Variants in RADIL observed in about 807,000 individuals in gnomAD.
RADIL encodes Rap associating with DIL domain.
Under a neutral mutation model 97.6 loss-of-function variants are expected in RADIL, and 99 were observed. The ratio of observed to expected loss-of-function variants is 1.01; its 90% confidence interval spans 0.86 to 1.20. RADIL has a LOEUF of 1.20. RADIL is among the 50% of genes most tolerant of loss of function. RADIL has a pLI of 0.00. For synonymous variants in RADIL, 803 were observed against 691.8 expected (o/e 1.16, Z -2.52); for missense variants, 1,765 against 1,498.9 (o/e 1.18, Z -2.93).
intron 2 of RADIL, chr7:4,861,431 C>T (rs1423675104): frequency 1.9e-6 from 3 of 1,614,158 alleles, no homozygotes; most frequent in Admixed American, 1.7e-5. Context: ...AAAGTCGCTT[C>T]GATCCACATG....
At chr7:4,850,325 A>G (rs1250309817) in intron 2 of RADIL, among the ~76,000 whole-genome samples, 1 of 151,950 alleles carries the variant, frequency 6.6e-6, no homozygotes, top group Non-Finnish European at 1.5e-5. Context: ...AAAGCATGGA[A>G]GGTCACTATG....
chr7:4,849,384 A>G lies in RADIL; in HGVS notation c.536-12779T>C, dbSNP rs1300694284. 6.6e-6 allele frequency among the ~76,000 whole-genome samples: 1 copy of G among 152,218 alleles called. No individual in the cohort carries two copies. The highest frequency in any genetic ancestry group is 1.9e-4 in the East Asian group (1 of 5,200). ...ACTGCAAGAATGAATTAATGAATGA[A>G]TGAACGTTGATGGGATCAATTCCAT... On this transcript the variant is annotated intron_variant, in intron 2 of 14. Coordinates refer to ENST00000399583, the MANE Select transcript of RADIL (RefSeq NM_018059.5). This position sits in a 1 kb window ranked among gnomAD's most constrained non-coding sequence, Gnocchi z 5.4.
Position 4,802,003 on chromosome 7 carries a change from G to A in RADIL, c.2500-8C>T, listed in dbSNP as rs1782103136. ...GACCACGTGGTGCATACCCTAGGGA[G>A]AGGAAGGGTGACAGCTCAGGTAGAG... On this transcript the variant is annotated splice_region_variant and splice_polypyrimidine_tract_variant and intron_variant, in intron 11 of 14. Transcript: ENST00000399583. 14 of 1,492,582 alleles carry A rather than the reference G, an allele frequency of 9.4e-6. No homozygotes were observed. Among genetic ancestry groups the A allele is most frequent in the African/African-American group, 1.4e-5 (1 of 71,328 alleles). 92.5% of individuals were successfully genotyped at this position (1,492,582 alleles called of 1,614,324 possible). A position where few individuals can be genotyped will look rare whatever the true frequency, so the allele number is the denominator to read the frequency against.
chr7:4,831,092 G>A (rs967175581), intron 5 of RADIL, among the ~76,000 whole-genome samples: 1 of 151,558 alleles, frequency 6.6e-6, no homozygotes, highest in Non-Finnish European at 1.5e-5. Context: ...TTAGAAGGCT[G>A]AGGCAGGAGA....
chr7:4,800,039 A>C, intron 13 of RADIL, 132 bp downstream of exon 13: 1 of 1,346,110 alleles, frequency 7.4e-7, no homozygotes, highest in South Asian at 1.5e-5. Flanking sequence ...CCAGCTGCAG[A>C]GGCCAACCCC....
intron 13 of RADIL, 49 bp downstream of exon 13, chr7:4,800,122 G>C (rs1782031059): frequency 3.8e-6 from 6 of 1,572,420 alleles, no homozygotes; most frequent in Non-Finnish European, 5.1e-6. Flanking sequence ...TGAACAGGCG[G>C]GGCCAGGCAG....
At position 4,803,820 on chromosome 7, in the gene RADIL, G is replaced by C. The variant is rs982587946; in HGVS notation, c.2291-66C>G. ...GCTGCCTCCCTCGCCAGGCCGCCCC[G>C]CCCAACGGTGTGGGAACCCAGGGGC... On this transcript the variant is annotated intron_variant, in intron 10 of 14. Transcript: ENST00000399583. The C allele has an allele frequency of 1.3e-5, 19 of 1,421,626 alleles. No individual in the cohort carries two copies. The Admixed American group carries it at 3.7e-4, about 28-fold the overall frequency. The allele number at this position is 1,421,626 out of a possible 1,614,324, so 88.1% of individuals were successfully genotyped here. A position where few individuals can be genotyped will look rare whatever the true frequency, so the allele number is the denominator to read the frequency against.
intron 2 of RADIL, among the ~76,000 whole-genome samples, chr7:4,876,738 C>T (rs1014800756): frequency 2.6e-5 from 4 of 152,238 alleles, no homozygotes; most frequent in African/African-American, 9.6e-5. Flanking sequence ...CCCGTGCTCT[C>T]GGCACTCCTC....
intron 2 of RADIL, chr7:4,865,882 G>A (rs967620342): frequency 4.9e-5 from 32 of 649,218 alleles, no homozygotes; most frequent in South Asian, 1.7e-4. Context: ...AATATTTACC[G>A]TTATGTTCTA....
rs1048994508 is a variant in RADIL, at chr7:4,815,153, G to A, written c.2139+125C>T. ...GGAAGCAACTTTTCTGATTACCTAC[G>A]GTAGCTTTGAGGTTTCCAGCCAAGA... On this transcript the variant is annotated intron_variant, in intron 9 of 14. Coordinates refer to ENST00000399583, the MANE Select transcript of RADIL (RefSeq NM_018059.5). The surrounding 1 kb of genome is among the most constrained non-coding windows in gnomAD (Gnocchi z 8.0). 3.4e-5 allele frequency: 41 copies of A among 1,202,014 alleles called. No homozygotes were observed. The highest frequency in any genetic ancestry group is 8.8e-5 in the Admixed American group (3 of 34,156). 74.5% of individuals were successfully genotyped at this position (1,202,014 alleles called of 1,614,324 possible). A position where few individuals can be genotyped will look rare whatever the true frequency, so the allele number is the denominator to read the frequency against.
At chr7:4,852,410 G>A (rs1783730969) in intron 2 of RADIL, among the ~76,000 whole-genome samples, 1 of 152,102 alleles carries the variant, frequency 6.6e-6, no homozygotes, top group Admixed American at 6.6e-5. Context: ...CTTTGGGCCA[G>A]GCCAGTGGCA....
intron 2 of RADIL, among the ~76,000 whole-genome samples, chr7:4,841,159 C>A (rs1218776458): frequency 6.6e-6 from 1 of 152,236 alleles, no homozygotes; most frequent in African/African-American, 2.4e-5. Context: ...CCAGAATACG[C>A]CCATGTCTTC....
rs1340827320 is a variant in RADIL at position 4,878,954 on chromosome 7, G to A, written c.-64-751C>T. ...ACACAGTGCAACCAGGAAAACAGGC[G>A]AATCGCAGCCACGTTGGCAGAATAG... On this transcript the variant is annotated intron_variant, in intron 1 of 14. Coordinates refer to ENST00000399583, the MANE Select transcript of RADIL (RefSeq NM_018059.5). This position sits in a 1 kb window ranked among gnomAD's most constrained non-coding sequence, Gnocchi z 4.1. Among the ~76,000 whole-genome samples, 13 of 152,320 alleles carry A rather than the reference G, an allele frequency of 8.5e-5. No individual in the cohort carries two copies. Among genetic ancestry groups the A allele is most frequent in the South Asian group, 6.2e-4 (3 of 4,824 alleles).
chr7:4,834,770 A>C lies in RADIL; in HGVS notation c.1253T>G (p.Leu418Arg). 1 of 1,388,602 alleles carries C rather than the reference A, an allele frequency of 7.2e-7. No individual in the cohort carries two copies. The highest frequency in any genetic ancestry group is 9.4e-7 in the Non-Finnish European group (1 of 1,064,658). The allele number at this position is 1,388,602 out of a possible 1,614,324, so 86.0% of individuals were successfully genotyped here. A position where few individuals can be genotyped will look rare whatever the true frequency, so the allele number is the denominator to read the frequency against. ...CTCGATCAACGTCATGATCCTCTGC[A>C]GCAGCGTGTCCTCCAGGTGGGGCTC... ...EFEPHLEDTL[L>R]QRIMTLIEPG... The change falls in exon 4 of 15, where the codon CTG becomes CGG. Residue 418 changes from leucine (L) to arginine (R), a missense_variant. Leu to Arg is a moderately radical substitution (Grantham distance 102). Coordinates refer to ENST00000399583, the MANE Select transcript of RADIL (RefSeq NM_018059.5). The surrounding 1 kb of genome is among the most constrained non-coding windows in gnomAD (Gnocchi z 6.0).
rs113643091 is a variant in RADIL at position 4,822,113 on chromosome 7, C to T, written c.1615+281G>A. On this transcript the variant is annotated intron_variant, in intron 6 of 14. Transcript: ENST00000399583. The surrounding 1 kb of genome is among the most constrained non-coding windows in gnomAD (Gnocchi z 5.3). ...TCCTGCAAGCAGAAGAGTGGGGCTGCGGTCAAGGGGACGCCACCGCACGGA... is the reference window on the plus strand; with the variant it reads ...TCCTGCAAGCAGAAGAGTGGGGCTGTGGTCAAGGGGACGCCACCGCACGGA... Among the ~76,000 whole-genome samples the T allele has an allele frequency of 6.6e-6, 1 of 151,920 alleles. No homozygotes were observed. Among genetic ancestry groups the T allele is most frequent in the African/African-American group, 2.4e-5 (1 of 41,366 alleles).
Position 4,815,181 on chromosome 7 carries a change from C to T in RADIL, c.2139+97G>A. 3 of 1,384,874 alleles carry T rather than the reference C, an allele frequency of 2.2e-6. No individual in the cohort carries two copies. Among genetic ancestry groups the T allele is most frequent in the Non-Finnish European group, 2.9e-6 (3 of 1,050,426 alleles). The allele number at this position is 1,384,874 out of a possible 1,614,324, so 85.8% of individuals were successfully genotyped here. ...AGCTTTGAGGTTTCCAGCCAAGAAG[C>T]CCCGTCCCGGCCCCCAGGCTTGGTT... is the stretch of plus-strand genomic sequence containing the variant. On this transcript the variant is annotated intron_variant, in intron 9 of 14. Transcript: ENST00000399583. This position sits in a 1 kb window ranked among gnomAD's most constrained non-coding sequence, Gnocchi z 8.0.
chr7:4,834,757 C>A lies in RADIL; in HGVS notation c.1266G>T (p.Met422Ile). ...HLEDTLLQRI[M>I]TLIEPGGDDH... ...CGTCGCCCCCCGGCTCGATCAACGTCATGATCCTCTGCAGCAGCGTGTCCT... is the reference window on the plus strand; with the variant it reads ...CGTCGCCCCCCGGCTCGATCAACGTAATGATCCTCTGCAGCAGCGTGTCCT... The change falls in exon 4 of 15, where the codon ATG becomes ATT. Residue 422 changes from methionine (M) to isoleucine (I), a missense_variant. Coordinates refer to ENST00000399583, the MANE Select transcript of RADIL (RefSeq NM_018059.5). The surrounding 1 kb of genome is among the most constrained non-coding windows in gnomAD (Gnocchi z 6.0). The A allele has an allele frequency of 7.1e-7, 1 of 1,401,438 alleles. No homozygotes were observed. The highest frequency in any genetic ancestry group is 9.3e-7 in the Non-Finnish European group (1 of 1,070,662). The allele number at this position is 1,401,438 out of a possible 1,614,324, so 86.8% of individuals were successfully genotyped here. A position where few individuals can be genotyped will look rare whatever the true frequency, so the allele number is the denominator to read the frequency against.
At chr7:4,846,464 C>G (rs1020796628) in intron 2 of RADIL, among the ~76,000 whole-genome samples, 2 of 149,086 alleles carry the variant, frequency 1.3e-5, no homozygotes, top group Non-Finnish European at 3.0e-5. Flanking sequence ...TTTTAAGTAT[C>G]TTGAGTTTTA....
intron 5 of RADIL, among the ~76,000 whole-genome samples, chr7:4,829,307 C>A (rs557897797): frequency 6.6e-6 from 1 of 152,286 alleles, no homozygotes; most frequent in African/African-American, 2.4e-5. Context: ...ATCTCAGAGG[C>A]CAGGACCCAC....
Sources: allele counts gnomAD v4.1 joint callset (sites outside exome capture counted in the v4.1 genomes callset), GRCh38; gene constraint gnomAD v4.1.1; non-coding constraint Gnocchi (gnomAD v3.1); transcripts MANE v1.5; gene names NCBI Gene and HGNC (gene_info 2026-07-23, HGNC 2026-07-21).